The following CTTN variants were observed in gnomAD, a reference collection of about 807,000 sequenced individuals.
CTTN encodes the protein src substrate cortactin.
CTTN carries 28 observed loss-of-function variants against 84.0 expected under a neutral mutation model. That is an observed-to-expected ratio of 0.33 (90% confidence interval 0.25 to 0.46). The LOEUF (loss-of-function observed/expected upper bound fraction) is 0.46. Ranked by LOEUF, CTTN falls within the 20% of genes least tolerant of loss-of-function variation. The probability of loss-of-function intolerance (pLI) is 1.00; values close to 1 mark genes in which losing one functional copy is unlikely to be tolerated. For missense variants in CTTN, 641 were observed against 723.8 expected, an observed-to-expected ratio of 0.89 and a Z score of 1.31; for synonymous variants, 301 against 288.8, an observed-to-expected ratio of 1.04 and a Z score of -0.43.
At chr11:70,410,066 C>A in intron 5 of CTTN, 106 bp downstream of exon 5, 1 of 1,256,022 alleles carries the variant, frequency 8.0e-7, no homozygotes, top group Non-Finnish European at 1.1e-6. Flanking sequence ...AGTTTTGAGT[C>A]CATCTGCTGA....
rs1447039297 is a variant in CTTN at position 70,415,645 on chromosome 11, T to C, written c.403-18T>C. 3 of 1,610,796 alleles carry C rather than the reference T, an allele frequency of 1.9e-6. No individual in the cohort carries two copies. The African/African-American group carries it at 4.0e-5, about 22-fold the overall frequency. On this transcript the variant is annotated intron_variant, in intron 6 of 17. Transcript: ENST00000301843. Reference sequence around the variant, plus strand: ...AAGTATTTCTCCCCACTTTTTCATGTGTTTTTGGTCGTCACAGTCTGCTGT... The same window carrying C: ...AAGTATTTCTCCCCACTTTTTCATGCGTTTTTGGTCGTCACAGTCTGCTGT...
chr11:70,409,755 C>A, intron 4 of CTTN, 76 bp from the exon 5 acceptor site: 1 of 1,463,264 alleles, frequency 6.8e-7, no homozygotes, highest in Non-Finnish European at 9.5e-7. Flanking sequence ...GTCACCTGTT[C>A]TTATTTATCA....
intron 11 of CTTN, chr11:70,422,654 C>CGCTTAGCT: frequency 7.2e-7 from 1 of 1,394,016 alleles, no homozygotes; most frequent in Non-Finnish European, 9.5e-7. Flanking sequence ...CCTCTTTCCT[C>CGCTTAGCT]GCTTAGCTCC....
chr11:70,415,810 C>A, intron 7 of CTTN, 93 bp downstream of exon 7: 1 of 1,273,974 alleles, frequency 7.8e-7, no homozygotes, highest in Non-Finnish European at 1.1e-6. Flanking sequence ...GCTCCGGGGG[C>A]CCTGATGGGG....
At chr11:70,408,926 T>C (rs2058072163) in intron 4 of CTTN, among the ~76,000 whole-genome samples, 1 of 152,056 alleles carries the variant, frequency 6.6e-6, no homozygotes, top group Non-Finnish European at 1.5e-5. Flanking sequence ...TTCTGTTCCC[T>C]GTGGCTTCAA....
Position 70,421,494 on chromosome 11 carries a change from A to G in CTTN, c.815A>G (p.Lys272Arg). 5.0e-6 allele frequency: 8 copies of G among 1,613,828 alleles called. No individual in the cohort carries two copies. Among genetic ancestry groups the G allele is most frequent in the South Asian group, 1.1e-5 (1 of 91,060 alleles). The change falls in exon 11 of 18, where the codon AAA (lysine) becomes AGA (arginine). Residue 272 changes from lysine (K) to arginine (R), a missense_variant. By Grantham distance (26) the Lys-to-Arg change is conservative. Around this residue, in one of 3 missense-constraint regions of CTTN, gnomAD observed 284 missense variants for 348.4 expected, o/e 0.82. Transcript: ENST00000301843. ...GATTATAAGACTGGTTTTGGAGGCA[A>G]ATTCGGTGTTCAGTCGGAGAGGCAG... ...QKDYKTGFGG[K>R]FGVQSERQDS...
chr11:70,433,488 G>T lies in CTTN; in HGVS notation c.1445-159G>T, dbSNP rs550091245. The stretch of plus-strand genomic sequence containing the variant: ...GCTGGGTCCCAGGAAGATCCCCATT[G>T]TGCTGGGGACGGGTGGGCAGGGGCA... On this transcript the variant is annotated intron_variant, in intron 16 of 17. Coordinates refer to ENST00000301843, the MANE Select transcript of CTTN (RefSeq NM_005231.4). The T allele has an allele frequency of 6.4e-6, 5 of 776,292 alleles. No homozygotes were observed. In the East Asian group the frequency reaches 1.3e-4, roughly 20 times the overall value. The allele number at this position is 776,292 out of a possible 1,614,324, so 48.1% of individuals were successfully genotyped here. A position where few individuals can be genotyped will look rare whatever the true frequency, so the allele number is the denominator to read the frequency against.
At chr11:70,413,915 G>A (rs2058124590) in intron 5 of CTTN, among the ~76,000 whole-genome samples, 1 of 152,106 alleles carries the variant, frequency 6.6e-6, no homozygotes, top group Admixed American at 6.5e-5. Context: ...GGGTCTCACG[G>A]ATCCTGCCAC....
chr11:70,429,668 G>A (rs611216), intron 14 of CTTN, among the ~76,000 whole-genome samples: 33,925 of 151,938 alleles, frequency 0.22, 4,101 homozygotes, highest in South Asian at 0.28. Context: ...GCCCAGCCCC[G>A]CTCACCCAAG....
chr11:70,425,227 C>A, intron 12 of CTTN, 105 bp from the exon 13 acceptor site: 1 of 856,064 alleles, frequency 1.2e-6, no homozygotes, highest in Non-Finnish European at 1.9e-6. Context: ...TGTGGCTGGG[C>A]CTTTGGGAAG....
At chr11:70,400,149 G>T (rs144343436) in intron 1 of CTTN, among the ~76,000 whole-genome samples, 119 of 152,326 alleles carry the variant, frequency 7.8e-4, no homozygotes, top group Non-Finnish European at 1.3e-3. Flanking sequence ...CTAACCTTCT[G>T]CTATATCTTA....
At chr11:70,416,836 G>T in intron 7 of CTTN, 177 bp from the exon 8 acceptor site, 1 of 591,542 alleles carries the variant, frequency 1.7e-6, no homozygotes, top group Non-Finnish European at 3.1e-6. Context: ...TGCACCTGTT[G>T]TGAAACAGGG....
rs1397138295 is a variant in CTTN at position 70,422,920 on chromosome 11, T to C, written c.902-20T>C. On this transcript the variant is annotated intron_variant, in intron 11 of 17. Transcript: ENST00000301843. ...CTCGCCTCCACCTCAGAGTAAGTGT[T>C]GTGTTTTGCCACGTTTCAGACTACT... 6.2e-7 allele frequency: 1 copy of C among 1,614,142 alleles called. No individual in the cohort carries two copies. Among genetic ancestry groups the C allele is most frequent in the African/African-American group, 1.3e-5 (1 of 75,056 alleles).
chr11:70,415,756 G>T (rs767267138), intron 7 of CTTN, 39 bp downstream of exon 7: 5 of 1,606,090 alleles, frequency 3.1e-6, no homozygotes, highest in Admixed American at 1.7e-5. Context: ...CGCTCCGGGG[G>T]CCCCGATGGG....
At chr11:70,425,827 G>A (rs2058294626) in intron 13 of CTTN, among the ~76,000 whole-genome samples, 1 of 152,222 alleles carries the variant, frequency 6.6e-6, no homozygotes, top group African/African-American at 2.4e-5. Context: ...GCTCGTTCTT[G>A]GGCCCTTGAC....
chr11:70,414,036 G>A (rs1162660957), intron 5 of CTTN, among the ~76,000 whole-genome samples: 1 of 152,192 alleles, frequency 6.6e-6, no homozygotes, highest in Non-Finnish European at 1.5e-5. Context: ...CCCAAGGGCT[G>A]GGGTGGGCCG....
intron 11 of CTTN, chr11:70,422,704 C>G: frequency 6.9e-7 from 1 of 1,443,750 alleles, no homozygotes; most frequent in Non-Finnish European, 9.2e-7. Flanking sequence ...TCCTGCCCCT[C>G]AGGGAATGCT....
At chr11:70,417,388 A>T (rs1038908212) in intron 8 of CTTN, among the ~76,000 whole-genome samples, 4 of 151,916 alleles carry the variant, frequency 2.6e-5, no homozygotes, top group Admixed American at 2.6e-4. Context: ...TTTGGTAGAG[A>T]TGAGGTCTTG....
chr11:70,424,413 AG>A (rs907618291), intron 12 of CTTN, among the ~76,000 whole-genome samples: 1 of 151,868 alleles, frequency 6.6e-6, no homozygotes, highest in African/African-American at 2.4e-5. Context: ...TTCATCCAGG[AG>A]GGGGTGGAGC....
Sources: allele counts gnomAD v4.1 joint callset (sites outside exome capture counted in the v4.1 genomes callset), GRCh38; gene constraint gnomAD v4.1.1; regional missense constraint gnomAD v4.1.1; transcripts MANE v1.5; gene names NCBI Gene and HGNC (gene_info 2026-07-23, HGNC 2026-07-21).